Variants in PROSER1 observed in about 807,000 individuals in gnomAD.
PROSER1 encodes proline and serine rich 1.
Under a neutral mutation model 71.8 loss-of-function variants are expected in PROSER1, and 36 were observed. That is an observed-to-expected ratio of 0.50 (90% CI 0.38 to 0.66). The LOEUF is 0.66. PROSER1 is among the 30% of genes least tolerant of loss of function. PROSER1 has a pLI of 0.00. For missense variants in PROSER1, 1,107 were observed against 1,135.0 expected, an observed-to-expected ratio of 0.98 and a Z score of 0.35; for synonymous variants, 490 against 452.4, an observed-to-expected ratio of 1.08 and a Z score of -1.06.
At position 39,017,647 on chromosome 13, in the gene PROSER1, TTATGGAC is replaced by T. The variant is rs569104555; in HGVS notation, c.731-110_731-104del. On this transcript the variant is annotated intron_variant, in intron 9 of 12. Transcript: ENST00000352251. ...AAAGAAAAACACAGGATATAAATAT[TTATGGAC>T]TATGTTAGGAAAAAAATGTACACAT... The T allele has an allele frequency of 2.1e-3, 1,379 of 663,660 alleles. 25 individuals are homozygous for T. The highest frequency in any genetic ancestry group is 0.019 in the South Asian group (1,030 of 53,618). The allele number at this position is 663,660 out of a possible 1,614,324, so 41.1% of individuals were successfully genotyped here. A position where few individuals can be genotyped will look rare whatever the true frequency, so the allele number is the denominator to read the frequency against.
At chr13:39,022,948 A>G (rs1038318036) in intron 8 of PROSER1, 104 bp downstream of exon 8, 8 of 888,214 alleles carry the variant, frequency 9.0e-6, no homozygotes, top group Admixed American at 4.2e-5. Context: ...GTAGCATTTC[A>G]TAAGTGCTAC....
chr13:39,022,305 C>T, intron 9 of PROSER1, 21 bp downstream of exon 9: 2 of 1,512,304 alleles, frequency 1.3e-6, no homozygotes, highest in Non-Finnish European at 1.8e-6. Context: ...GTTACTTAAA[C>T]ACCCCCAAAT....
At chr13:39,018,312 C>T (rs1870102100) in intron 9 of PROSER1, among the ~76,000 whole-genome samples, 1 of 152,090 alleles carries the variant, frequency 6.6e-6, no homozygotes, top group Non-Finnish European at 1.5e-5. Flanking sequence ...GAAACCAATA[C>T]TGTGACAGGC....
At chr13:39,019,516 CAAAAAAAAAAA>C (rs1183602451) in intron 9 of PROSER1, among the ~76,000 whole-genome samples, 1 of 40,826 alleles carries the variant, frequency 2.4e-5, no homozygotes, top group African/African-American at 8.1e-5. Flanking sequence ...AACTCTGTCT[CAAAAAAAAAAA>C]AAAAAAAAAA....
Position 39,034,122 on chromosome 13 carries a change from G to T in PROSER1, c.111+9C>A. 6.5e-7 allele frequency: 1 copy of T among 1,546,058 alleles called. No individual in the cohort carries two copies. The highest frequency in any genetic ancestry group is 8.7e-7 in the Non-Finnish European group (1 of 1,146,140). On this transcript the variant is annotated intron_variant, in intron 2 of 12. Transcript: ENST00000352251. Reference sequence around the variant, plus strand: ...AGAAAGCTTTGTTTAAACAAATAATGAGGAATACCTGTTCACTAGAAAAGT... The same window carrying T: ...AGAAAGCTTTGTTTAAACAAATAATTAGGAATACCTGTTCACTAGAAAAGT...
At chr13:39,029,845 G>A (rs964077101) in intron 3 of PROSER1, among the ~76,000 whole-genome samples, 1 of 152,134 alleles carries the variant, frequency 6.6e-6, no homozygotes, top group African/African-American at 2.4e-5. Flanking sequence ...ATATAAGGTA[G>A]GGAAAAGCTG....
At position 39,024,590 on chromosome 13, in the gene PROSER1, T is replaced by G. The variant is rs1419121443; in HGVS notation, c.481-34A>C. ...AAAAAAAAAAAAAGGTAATTGAAAC[T>G]TAAAAAAAAAACCCTCAAACCAGTA... On this transcript the variant is annotated intron_variant, in intron 6 of 12. Coordinates refer to ENST00000352251, the MANE Select transcript of PROSER1 (RefSeq NM_025138.5). 3.4e-6 allele frequency: 5 copies of G among 1,450,672 alleles called. No individual in the cohort carries two copies. The East Asian group carries it at 7.2e-5, about 21-fold the overall frequency. 89.9% of individuals were successfully genotyped at this position (1,450,672 alleles called of 1,614,324 possible). A position where few individuals can be genotyped will look rare whatever the true frequency, so the allele number is the denominator to read the frequency against.
chr13:39,019,203 T>A (rs943884538), intron 9 of PROSER1, among the ~76,000 whole-genome samples: 1 of 151,840 alleles, frequency 6.6e-6, no homozygotes, highest in Admixed American at 6.6e-5. Context: ...ACATACAAAT[T>A]GATTTTAAAA....
chr13:39,011,236 A>G lies in PROSER1; in HGVS notation c.*129T>C. 1.1e-6 allele frequency: 1 copy of G among 903,570 alleles called. No individual in the cohort carries two copies. The highest frequency in any genetic ancestry group is 1.7e-6 in the Non-Finnish European group (1 of 589,336). The allele number at this position is 903,570 out of a possible 1,614,324, so 56.0% of individuals were successfully genotyped here. The stretch of plus-strand genomic sequence containing the variant: ...CAACCACAATTTTCAAATTGTTGTC[A>G]CAATTTCTCCAGGATTACCCTCATT... On this transcript the variant is annotated 3_prime_UTR_variant, in exon 13 of 13. Transcript: ENST00000352251.
intron 7 of PROSER1, among the ~76,000 whole-genome samples, chr13:39,024,246 T>G (rs1159758368): frequency 6.6e-6 from 1 of 152,172 alleles, no homozygotes; most frequent in African/African-American, 2.4e-5. Flanking sequence ...AGAAAAAAAC[T>G]GAAAGCAATT....
intron 11 of PROSER1, 40 bp from the exon 12 acceptor site, chr13:39,012,273 G>A (rs746842164): frequency 8.2e-6 from 13 of 1,586,628 alleles, no homozygotes; most frequent in Non-Finnish European, 1.1e-5. Flanking sequence ...CTGCAGACAA[G>A]ACATAAAAGC....
chr13:39,017,754 A>G (rs1035304694), intron 9 of PROSER1: 5 of 425,568 alleles, frequency 1.2e-5, no homozygotes, highest in Non-Finnish European at 2.0e-5. Flanking sequence ...TCTGAAGAGC[A>G]AGAGGATTAC....
In PROSER1 at chr13:39,011,423, G is replaced by A; in HGVS notation, c.2777C>T (p.Ser926Leu). 1 of 1,614,064 alleles carries A rather than the reference G, an allele frequency of 6.2e-7. No individual in the cohort carries two copies. Among genetic ancestry groups the A allele is most frequent in the Non-Finnish European group, 8.5e-7 (1 of 1,179,904 alleles). Residue 926 changes from serine (S) to leucine (L), a missense_variant, in exon 13 of 13, where the codon TCA becomes TTA. Transcript: ENST00000352251. ...AQPDGFPSYPSAPGTPFSLQP... is the reference protein window; with the variant it reads ...AQPDGFPSYPLAPGTPFSLQP... ...CAAAGAAAATGGTGTTCCTGGCGCT[G>A]AAGGATAACTAGGAAACCCATCAGG...
intron 1 of PROSER1, among the ~76,000 whole-genome samples, chr13:39,036,643 GC>G (rs1429505679): frequency 1.3e-5 from 2 of 152,188 alleles, no homozygotes; most frequent in Non-Finnish European, 2.9e-5. Flanking sequence ...AACTTGGAAA[GC>G]AGGAGAAAAA....
At chr13:39,022,108 G>A (rs1870319563) in intron 9 of PROSER1, among the ~76,000 whole-genome samples, 1 of 152,178 alleles carries the variant, frequency 6.6e-6, no homozygotes, top group Admixed American at 6.5e-5. Flanking sequence ...TTACTGAACA[G>A]ATGCTATTAA....
intron 6 of PROSER1, among the ~76,000 whole-genome samples, chr13:39,024,801 G>A (rs1047967290): frequency 1.3e-5 from 2 of 152,218 alleles, no homozygotes; most frequent in African/African-American, 4.8e-5. Context: ...AAAACACAGA[G>A]AGGATGACAG....
At chr13:39,033,996 A>T (rs1870978226) in intron 2 of PROSER1, 135 bp downstream of exon 2, 1 of 585,284 alleles carries the variant, frequency 1.7e-6, no homozygotes, top group South Asian at 2.7e-5. Flanking sequence ...TTTCTGCCAA[A>T]ACTGAGAGCT....
chr13:39,035,291 C>A (rs989332628), intron 1 of PROSER1, among the ~76,000 whole-genome samples: 2 of 152,084 alleles, frequency 1.3e-5, no homozygotes, highest in African/African-American at 4.8e-5. Context: ...TGTACTGATG[C>A]CAAGTCATAT....
intron 6 of PROSER1, 21 bp downstream of exon 6, chr13:39,026,256 C>T (rs1325768978): frequency 6.9e-7 from 1 of 1,456,466 alleles, no homozygotes; most frequent in Non-Finnish European, 9.6e-7. Flanking sequence ...GTTTCATATA[C>T]AGCTACAGAA....
Sources: gnomAD v4.1 joint callset for allele counts (sites outside exome capture counted in the v4.1 genomes callset) on GRCh38, gnomAD v4.1.1 for gene constraint, MANE v1.5 for transcripts, NCBI Gene and HGNC (gene_info 2026-07-23, HGNC 2026-07-21) for gene names.